The following TIA1 variants were observed in gnomAD, a reference collection of about 807,000 sequenced individuals.
TIA1 encodes the protein cytotoxic granule associated RNA binding protein TIA1.
TIA1 carries 23 observed loss-of-function variants against 65.9 expected under a neutral mutation model. The observed-to-expected ratio is 0.35, with a 90% CI of 0.25 to 0.49. TIA1 has a LOEUF of 0.49. TIA1 is among the 20% of genes least tolerant of loss of function. TIA1 has a pLI of 0.98. For synonymous variants in TIA1, 147 were observed against 149.4 expected, an observed-to-expected ratio of 0.98 and a Z score of 0.12; for missense variants, 371 against 477.9, an observed-to-expected ratio of 0.78 and a Z score of 2.09.
intron 3 of TIA1, among the ~76,000 whole-genome samples, chr2:70,230,328 T>C (rs1685661614): frequency 6.6e-6 from 1 of 151,916 alleles, no homozygotes; most frequent in African/African-American, 2.4e-5. Flanking sequence ...TAATATTATA[T>C]GTCAATAACT....
chr2:70,233,679 T>C (rs1012259895), intron 2 of TIA1, among the ~76,000 whole-genome samples: 3 of 151,390 alleles, frequency 2.0e-5, no homozygotes, highest in East Asian at 1.9e-4. Flanking sequence ...GGCAGGAGAA[T>C]AGCTTGAACC....
intron 7 of TIA1, among the ~76,000 whole-genome samples, chr2:70,223,135 C>G (rs532638164): frequency 9.2e-4 from 140 of 152,218 alleles, no homozygotes; most frequent in African/African-American, 3.3e-3. Context: ...GAGTTCCTAG[C>G]CCATCAAACC....
rs1214758032 is a variant in TIA1, at chr2:70,209,769, G to A, written c.*2950C>T. ...ATCATCACTCTCATTTGAAAGGTTT[G>A]CTTTCTTATTTCCTGTAAGTACATT... On this transcript the variant is annotated 3_prime_UTR_variant, in exon 13 of 13. Transcript: ENST00000433529. The A allele has an allele frequency of 5.0e-6, 2 of 398,106 alleles. No homozygotes were observed. Among genetic ancestry groups the A allele is most frequent in the East Asian group, 7.1e-5 (2 of 27,984 alleles). The allele number at this position is 398,106 out of a possible 1,614,324, so 24.7% of individuals were successfully genotyped here.
chr2:70,238,926 G>T (rs887975161), intron 1 of TIA1, among the ~76,000 whole-genome samples: 2 of 152,042 alleles, frequency 1.3e-5, no homozygotes, highest in Non-Finnish European at 2.9e-5. Flanking sequence ...AGCGGACATG[G>T]TGGCACTATG....
Position 70,236,284 on chromosome 2 carries a change from C to T in TIA1, c.27-109G>A, listed in dbSNP as rs547368444. ...CACGATCTCGGCTCACCACAACCTC[C>T]GCCTCCAGGGTTCAAGTGATTCCCC... On this transcript the variant is annotated intron_variant, in intron 1 of 12. Coordinates refer to ENST00000433529, the MANE Select transcript of TIA1 (RefSeq NM_022173.4). 7 of 640,006 alleles carry T rather than the reference C, an allele frequency of 1.1e-5. No homozygotes were observed. In the East Asian group the frequency reaches 1.2e-4, roughly 11 times the overall value. 39.6% of individuals were successfully genotyped at this position (640,006 alleles called of 1,614,324 possible).
In TIA1 at chr2:70,227,751, G is replaced by T; in HGVS notation, c.382C>A (p.Pro128Thr). ...TTEDIKAAFAPFGRISDARVV... is the reference protein window; with the variant it reads ...TTEDIKAAFATFGRISDARVV... ...GTTACTTACGATATTCTTCCAAATG[G>T]TGCAAAAGCAGCTTTTATATCTTCA... The change falls in exon 6 of 13, where the codon CCA (proline) becomes ACA (threonine). Residue 128 changes from proline (P) to threonine (T), a missense_variant. Coordinates refer to ENST00000433529, the MANE Select transcript of TIA1 (RefSeq NM_022173.4). 6.3e-7 allele frequency: 1 copy of T among 1,593,432 alleles called. No homozygotes were observed. Among genetic ancestry groups the T allele is most frequent in the African/African-American group, 1.3e-5 (1 of 74,580 alleles).
intron 7 of TIA1, among the ~76,000 whole-genome samples, chr2:70,220,409 G>GA (rs1185772621): frequency 2.0e-5 from 3 of 149,464 alleles, no homozygotes; most frequent in South Asian, 2.1e-4. Context: ...GTCCTGTCTC[G>GA]AAAAAAAAAG....
intron 11 of TIA1, chr2:70,215,118 G>T: frequency 2.3e-6 from 1 of 432,284 alleles, no homozygotes; most frequent in Non-Finnish European, 4.1e-6. Context: ...AAAAAAAGAT[G>T]TAATACCCTT....
At chr2:70,244,084 C>T (rs923278379) in intron 1 of TIA1, among the ~76,000 whole-genome samples, 2 of 152,100 alleles carry the variant, frequency 1.3e-5, no homozygotes, top group South Asian at 4.1e-4. Context: ...ACCTCATTTC[C>T]TACTCCTCTA....
intron 1 of TIA1, among the ~76,000 whole-genome samples, chr2:70,239,061 C>T (rs952379201): frequency 7.2e-5 from 11 of 152,102 alleles, no homozygotes; most frequent in African/African-American, 2.7e-4. Flanking sequence ...CAGAGCAAAA[C>T]TCTATCTCTA....
chr2:70,218,705 T>A (rs1471504853), intron 7 of TIA1, among the ~76,000 whole-genome samples: 3 of 152,182 alleles, frequency 2.0e-5, no homozygotes, highest in Non-Finnish European at 4.4e-5. Context: ...AGTGCTGGGA[T>A]TACAGGCGTG....
At chr2:70,245,914 A>ATT (rs199977940) in intron 1 of TIA1, among the ~76,000 whole-genome samples, 3,041 of 124,446 alleles carry the variant, frequency 0.024, 302 homozygotes, top group African/African-American at 0.089. Flanking sequence ...ATTCTACCAG[A>ATT]TTTTTTTTTT....
At chr2:70,215,732 CTGGA>C in intron 10 of TIA1, 2 of 424,264 alleles carry the variant, frequency 4.7e-6, no homozygotes, top group South Asian at 6.3e-5. Context: ...GGCAAATACG[CTGGA>C]TGCTAGAGAA....
rs2103955728 is a variant in TIA1, at chr2:70,217,003, TACA to T, written c.475-12_475-10del. On this transcript the variant is annotated splice_polypyrimidine_tract_variant and intron_variant, in intron 7 of 12. Coordinates refer to ENST00000433529, the MANE Select transcript of TIA1 (RefSeq NM_022173.4). Reference sequence around the variant, plus strand: ...ATGGCGTTTTCAGCATCCTGTTCCGTACAACATTAGAAACAATAAAGAAGTCAC... The same window carrying T: ...ATGGCGTTTTCAGCATCCTGTTCCGTACATTAGAAACAATAAAGAAGTCAC... The T allele has an allele frequency of 6.2e-7, 1 of 1,604,652 alleles. No homozygotes were observed. Among genetic ancestry groups the T allele is most frequent in the Middle Eastern group, 1.7e-4 (1 of 6,022 alleles).
intron 1 of TIA1, among the ~76,000 whole-genome samples, chr2:70,246,435 G>A (rs1348539523): frequency 6.6e-6 from 1 of 152,202 alleles, no homozygotes; most frequent in African/African-American, 2.4e-5. Context: ...CTCATGTTTG[G>A]TCAAGGTTTG....
At chr2:70,223,766 A>T (rs1036988443) in intron 7 of TIA1, among the ~76,000 whole-genome samples, 7 of 151,822 alleles carry the variant, frequency 4.6e-5, no homozygotes, top group African/African-American at 1.2e-4. Context: ...TAAAATAAAA[A>T]ATATATATAT....
intron 2 of TIA1, among the ~76,000 whole-genome samples, chr2:70,232,299 G>A (rs1447564209): frequency 1.3e-5 from 2 of 151,358 alleles, no homozygotes; most frequent in African/African-American, 4.8e-5. Flanking sequence ...CCAGCACTTT[G>A]GGAGGCCAAG....
At chr2:70,242,494 CAAAAA>C (rs11380260) in intron 1 of TIA1, among the ~76,000 whole-genome samples, 39 of 33,458 alleles carry the variant, frequency 1.2e-3, no homozygotes, top group African/African-American at 5.1e-3. Flanking sequence ...GACTCAGTCT[CAAAAA>C]AAAAAAAAAA....
chr2:70,230,676 T>C, intron 3 of TIA1, 80 bp downstream of exon 3: 1 of 1,107,902 alleles, frequency 9.0e-7, no homozygotes, highest in Non-Finnish European at 1.3e-6. Context: ...AAGTGTTTAA[T>C]GTTTCTAAAA....
Sources: gnomAD v4.1 joint callset for allele counts (sites outside exome capture counted in the v4.1 genomes callset) on GRCh38, gnomAD v4.1.1 for gene constraint, MANE v1.5 for transcripts, NCBI Gene and HGNC (gene_info 2026-07-23, HGNC 2026-07-21) for gene names.